PCDH7: variants seen among roughly 807,000 people sequenced by gnomAD.
PCDH7 encodes protocadherin-7.
In PCDH7, 17 loss-of-function variants were observed where a neutral mutation model predicts 58.9. The ratio of observed to expected loss-of-function variants is 0.29; its 90% confidence interval spans 0.20 to 0.43. The LOEUF (loss-of-function observed/expected upper bound fraction) is 0.43, where lower values mean the gene tolerates loss of function less well. Among genes scored for constraint, PCDH7 ranks in the 20% least tolerant of loss-of-function variants. The pLI is 1.00. For synonymous variants in PCDH7, 664 were observed against 616.4 expected (o/e 1.08, Z -1.14); for missense variants, 1,274 against 1,441.0 (o/e 0.88, Z 1.88).
At chr4:31,068,680 G>T (rs868041434) in intron 3 of PCDH7, among the ~76,000 whole-genome samples, 30 of 152,110 alleles carry the variant, frequency 2.0e-4, no homozygotes, top group Admixed American at 3.3e-4. Flanking sequence ...GGATTCCAAG[G>T]AAGCAGGACG....
chr4:31,137,453 G>A (rs1413371062), intron 3 of PCDH7, among the ~76,000 whole-genome samples: 4 of 152,144 alleles, frequency 2.6e-5, no homozygotes, highest in Non-Finnish European at 5.9e-5. Flanking sequence ...GTTTGGTGGT[G>A]CATGCCTGTA....
downstream of PCDH7, chr4:31,142,995 C>T: frequency 2.2e-6 from 1 of 454,100 alleles, no homozygotes; most frequent in Non-Finnish European, 3.8e-6. Context: ...CCAGATCAGG[C>T]CTTTAGTGAT....
chr4:31,056,458 G>GAAAGAAAGAAAAAGAAAGA (rs376643176), intron 3 of PCDH7, among the ~76,000 whole-genome samples: 2 of 83,156 alleles, frequency 2.4e-5, no homozygotes, highest in African/African-American at 1.1e-4. Flanking sequence ...AAGAAAGAAA[G>GAAAGAAAGAAAAAGAAAGA]AAGAAAGAAA....
At chr4:30,833,695 G>A (rs184136723) in intron 1 of PCDH7, among the ~76,000 whole-genome samples, 1 of 152,270 alleles carries the variant, frequency 6.6e-6, no homozygotes, top group African/African-American at 2.4e-5. Flanking sequence ...GGGAGAAAAT[G>A]TAGAAAATTA....
downstream of PCDH7, chr4:31,144,113 T>A (rs1277957887): frequency 6.6e-6 from 1 of 152,192 alleles, no homozygotes; most frequent in Non-Finnish European, 1.5e-5. Flanking sequence ...ACAATTGCAT[T>A]TTTTACTTGT....
rs183634593 is a variant in PCDH7 at position 31,101,168 on chromosome 4, G to A, written c.*8-41305G>A. On this transcript the variant is annotated intron_variant, in intron 3 of 3. Coordinates refer to the PCDH7 transcript ENST00000509759. ...TAGAAATGAAAGTAATGTATTAGCCGTTTGGTTGAAAAAATGTTAAGTCAA... is the reference window on the plus strand; with the variant it reads ...TAGAAATGAAAGTAATGTATTAGCCATTTGGTTGAAAAAATGTTAAGTCAA... Among the ~76,000 whole-genome samples the A allele has an allele frequency of 2.0e-4, 30 of 151,832 alleles. 1 individual carries two copies. Among genetic ancestry groups the A allele is most frequent in the Admixed American group, 7.9e-4 (12 of 15,254 alleles).
intron 3 of PCDH7, among the ~76,000 whole-genome samples, chr4:30,981,825 T>G (rs1750597893): frequency 6.6e-6 from 1 of 152,198 alleles, no homozygotes; most frequent in Non-Finnish European, 1.5e-5. Context: ...TACTCTCATT[T>G]GTTTTTGCCC....
chr4:30,742,978 CT>C (rs1378259210), intron 1 of PCDH7, among the ~76,000 whole-genome samples: 4 of 152,116 alleles, frequency 2.6e-5, no homozygotes, highest in Non-Finnish European at 5.9e-5. Context: ...CTCAACTTCT[CT>C]TTATCTCTGT....
intron 1 of PCDH7, among the ~76,000 whole-genome samples, chr4:30,857,658 AC>A: frequency 6.6e-6 from 1 of 152,218 alleles, no homozygotes; most frequent in Non-Finnish European, 1.5e-5. Flanking sequence ...CATCAATACA[AC>A]AAGGTCTATT....
intron 1 of PCDH7, among the ~76,000 whole-genome samples, chr4:30,803,919 T>C (rs898968759): frequency 1.3e-5 from 2 of 152,214 alleles, no homozygotes; most frequent in African/African-American, 4.8e-5. Context: ...AAAATTACTA[T>C]TTTTAGCAGT....
In PCDH7 at chr4:30,721,494, G is replaced by A. The variant is rs1713533566; in HGVS notation, c.72G>A (p.Ser24=). 5.0e-6 allele frequency: 8 copies of A among 1,596,244 alleles called. No homozygotes were observed. The highest frequency in any genetic ancestry group is 6.8e-6 in the Non-Finnish European group (8 of 1,176,974). ...GCTGCTGCCTCCTCCTGCCGCTCTC[G>A]CTCAGCCTGGCGGCCGCCAAGCAGC... Residue 24 remains serine (S), a synonymous_variant, in exon 1 of 2, where the codon TCG becomes TCA. Transcript: ENST00000361762. The surrounding 1 kb of genome is among the most constrained non-coding windows in gnomAD (Gnocchi z 6.7).
chr4:30,736,231 T>C (rs1467469515), downstream of PCDH7, among the ~76,000 whole-genome samples: 1 of 151,974 alleles, frequency 6.6e-6, no homozygotes, highest in Non-Finnish European at 1.5e-5. Flanking sequence ...AAAATACAAA[T>C]AACAAAAATC....
chr4:30,904,457 G>T (rs1740651259), intron 1 of PCDH7, among the ~76,000 whole-genome samples: 1 of 151,922 alleles, frequency 6.6e-6, no homozygotes, highest in Non-Finnish European at 1.5e-5. Flanking sequence ...TGATTATAAT[G>T]GGCCCACCCA....
At chr4:30,853,434 C>T (rs1490960476) in intron 1 of PCDH7, among the ~76,000 whole-genome samples, 1 of 152,068 alleles carries the variant, frequency 6.6e-6, no homozygotes, top group East Asian at 1.9e-4. Flanking sequence ...GGGCCTCTGG[C>T]CTATACTCAG....
chr4:30,942,354 C>T (rs1004337120), intron 2 of PCDH7, among the ~76,000 whole-genome samples: 3 of 151,848 alleles, frequency 2.0e-5, no homozygotes, highest in Non-Finnish European at 2.9e-5. Context: ...ATTCAATTTG[C>T]GAATCCTAAA....
At position 31,058,008 on chromosome 4, in the gene PCDH7, G is replaced by A. The variant is rs1757393100; in HGVS notation, c.*8-84465G>A. Among the ~76,000 whole-genome samples, 2 of 152,058 alleles carry A rather than the reference G, an allele frequency of 1.3e-5. 1 individual carries two copies. The highest frequency in any genetic ancestry group is 1.3e-4 in the Admixed American group (2 of 15,248). On this transcript the variant is annotated intron_variant, in intron 3 of 3. Coordinates refer to the PCDH7 transcript ENST00000509759. ...TCTTAGGATTTAAATATCCAATTAAGTTGAAATGACCTTTGACAACTGAAA... is the reference window on the plus strand; with the variant it reads ...TCTTAGGATTTAAATATCCAATTAAATTGAAATGACCTTTGACAACTGAAA...
intron 1 of PCDH7, among the ~76,000 whole-genome samples, chr4:30,887,054 G>A (rs940595021): frequency 6.6e-5 from 10 of 150,426 alleles, no homozygotes; most frequent in South Asian, 6.4e-4. Context: ...TGGGTGCAGC[G>A]CACCAGCATG....
chr4:30,839,677 C>T (rs556465514), intron 1 of PCDH7, among the ~76,000 whole-genome samples: 97 of 152,154 alleles, frequency 6.4e-4, no homozygotes, highest in Non-Finnish European at 1.2e-3. Flanking sequence ...GTCATCAAAA[C>T]AAACCAGAAA....
At chr4:31,079,582 T>C (rs1019618464) in intron 3 of PCDH7, among the ~76,000 whole-genome samples, 1 of 148,834 alleles carries the variant, frequency 6.7e-6, no homozygotes, top group South Asian at 2.1e-4. Flanking sequence ...AATTTTCATA[T>C]ACTGTTTTTT....
Sources: allele counts gnomAD v4.1 joint callset (sites outside exome capture counted in the v4.1 genomes callset), GRCh38; gene constraint gnomAD v4.1.1; non-coding constraint Gnocchi (gnomAD v3.1); transcripts MANE v1.5; gene names NCBI Gene and HGNC (gene_info 2026-07-23, HGNC 2026-07-21).